Variants in SND1 observed in about 807,000 individuals in gnomAD.
SND1 encodes staphylococcal nuclease domain-containing protein 1.
Under a neutral mutation model 121.7 loss-of-function variants are expected in SND1, and 38 were observed. The observed-to-expected ratio is 0.31, with a 90% CI of 0.24 to 0.41. The LOEUF (loss-of-function observed/expected upper bound fraction) is 0.41. Ranked by LOEUF, SND1 falls within the 10% of genes least tolerant of loss-of-function variation. The pLI, the probability that SND1 is intolerant of heterozygous loss-of-function variation, is 1.00. For synonymous variants in SND1, 401 were observed against 447.4 expected (o/e 0.90, Z 1.31); for missense variants, 868 against 1,184.6 (o/e 0.73, Z 3.92).
At chr7:127,955,505 G>C (rs78157432) in intron 15 of SND1, among the ~76,000 whole-genome samples, 1 of 152,156 alleles carries the variant, frequency 6.6e-6, no homozygotes, top group South Asian at 2.1e-4. Flanking sequence ...GTGGAGTTGT[G>C]GGGGGGTGGT....
chr7:128,011,091 C>T (rs1005346291), intron 16 of SND1, among the ~76,000 whole-genome samples: 31 of 151,682 alleles, frequency 2.0e-4, no homozygotes, highest in Admixed American at 7.9e-4. Context: ...GAAGTTTTGG[C>T]GCACACTGTC....
intron 10 of SND1, among the ~76,000 whole-genome samples, chr7:127,748,783 C>T (rs555960629): frequency 2.6e-5 from 4 of 152,226 alleles, no homozygotes; most frequent in African/African-American, 9.6e-5. Context: ...GAAGAAATGA[C>T]ATTCAAGCAG....
chr7:127,883,917 T>A (rs1799844720), intron 12 of SND1, among the ~76,000 whole-genome samples: 1 of 152,170 alleles, frequency 6.6e-6, no homozygotes, highest in Non-Finnish European at 1.5e-5. Flanking sequence ...TCATTTGATT[T>A]GAGTCGTGTC....
Position 128,085,663 on chromosome 7 carries a change from A to G in SND1, c.2235-48A>G. The G allele has an allele frequency of 2.6e-6, 4 of 1,548,142 alleles. No individual in the cohort carries two copies. The highest frequency in any genetic ancestry group is 3.6e-6 in the Non-Finnish European group (4 of 1,120,902). On this transcript the variant is annotated intron_variant, in intron 19 of 23. Transcript: ENST00000354725. This position sits in a 1 kb window ranked among gnomAD's most constrained non-coding sequence, Gnocchi z 4.4. ...GCCATTGCTGAGGCTCTGGGAGCCCAGAGTCCTCAGGGCTGTCTCTTGAGC... is the reference window on the plus strand; with the variant it reads ...GCCATTGCTGAGGCTCTGGGAGCCCGGAGTCCTCAGGGCTGTCTCTTGAGC...
At chr7:128,028,577 T>C (rs908811046) in intron 16 of SND1, 1 of 1,083,968 alleles carries the variant, frequency 9.2e-7, no homozygotes, top group South Asian at 1.6e-5. Context: ...ATAGACTTAA[T>C]ATATAAGCAT....
intron 15 of SND1, among the ~76,000 whole-genome samples, chr7:127,988,284 T>G (rs1456440075): frequency 6.6e-6 from 1 of 152,170 alleles, no homozygotes; most frequent in Non-Finnish European, 1.5e-5. Flanking sequence ...TGGGAATAGA[T>G]TCTGCCTCTG....
At chr7:127,922,028 T>C (rs1011235721) in intron 14 of SND1, among the ~76,000 whole-genome samples, 1 of 152,064 alleles carries the variant, frequency 6.6e-6, no homozygotes, top group Non-Finnish European at 1.5e-5. Context: ...TACTCTGTCA[T>C]CCAGGCTGGG....
intron 16 of SND1, among the ~76,000 whole-genome samples, chr7:128,037,190 A>G (rs1263422556): frequency 2.6e-5 from 4 of 152,222 alleles, no homozygotes; most frequent in Admixed American, 2.6e-4. Flanking sequence ...AAAATCTGGC[A>G]GGGCTGCACT....
chr7:127,726,050 G>T (rs1458420674), intron 10 of SND1, among the ~76,000 whole-genome samples: 3 of 152,026 alleles, frequency 2.0e-5, no homozygotes, highest in Non-Finnish European at 4.4e-5. Flanking sequence ...AATTATACTG[G>T]AAGATGAGCT....
chr7:127,792,814 TCG>T (rs538161857), intron 10 of SND1, among the ~76,000 whole-genome samples: 51 of 152,254 alleles, frequency 3.3e-4, no homozygotes, highest in African/African-American at 1.2e-3. Context: ...CAAGCTGAAC[TCG>T]CTTGCTGCTG....
intron 3 of SND1, among the ~76,000 whole-genome samples, chr7:127,695,667 T>C (rs1795993280): frequency 6.6e-6 from 1 of 152,020 alleles, no homozygotes; most frequent in Non-Finnish European, 1.5e-5. Context: ...ACCCCGTTTC[T>C]ATGGAAAAAT....
intron 7 of SND1, 140 bp downstream of exon 7, chr7:127,703,463 C>A: frequency 9.7e-7 from 1 of 1,034,314 alleles, no homozygotes. Flanking sequence ...CCTGTAATCC[C>A]ACCACTTTGG....
chr7:128,037,987 G>C (rs1440879084), intron 16 of SND1, among the ~76,000 whole-genome samples: 1 of 152,200 alleles, frequency 6.6e-6, no homozygotes, highest in Admixed American at 6.5e-5. Flanking sequence ...CTAAGTCTTA[G>C]AGATTTTGAG....
chr7:127,752,956 G>A (rs934552554), intron 10 of SND1, among the ~76,000 whole-genome samples: 1 of 152,128 alleles, frequency 6.6e-6, no homozygotes, highest in Non-Finnish European at 1.5e-5. Flanking sequence ...GTCTTCCATC[G>A]TTGTCTAAGG....
intron 17 of SND1, among the ~76,000 whole-genome samples, chr7:128,077,174 C>T (rs1008249220): frequency 2.6e-5 from 4 of 152,220 alleles, no homozygotes; most frequent in Non-Finnish European, 1.5e-5. Context: ...CTTGGCCCCT[C>T]GCCAGCCCCA....
chr7:127,676,491 C>G (rs1324179898), intron 1 of SND1, among the ~76,000 whole-genome samples: 1 of 152,162 alleles, frequency 6.6e-6, no homozygotes, highest in African/African-American at 2.4e-5. Flanking sequence ...CATGGTTGTT[C>G]CGTTAGCCAC....
intron 10 of SND1, among the ~76,000 whole-genome samples, chr7:127,745,181 C>T (rs1256496112): frequency 6.6e-6 from 1 of 152,172 alleles, no homozygotes; most frequent in Non-Finnish European, 1.5e-5. Context: ...AGTGCATACT[C>T]ACACAAACCT....
At chr7:127,865,409 T>C (rs546011451) in intron 12 of SND1, among the ~76,000 whole-genome samples, 3 of 152,294 alleles carry the variant, frequency 2.0e-5, no homozygotes, top group Admixed American at 2.0e-4. Context: ...GTCAAAAACA[T>C]TGTTTGTCTG....
At chr7:127,820,925 T>G (rs1216659787) in intron 11 of SND1, among the ~76,000 whole-genome samples, 1 of 152,174 alleles carries the variant, frequency 6.6e-6, no homozygotes, top group Non-Finnish European at 1.5e-5. Context: ...TTTCTGTTCT[T>G]CTTCCAGCAG....
Sources: allele counts gnomAD v4.1 joint callset (sites outside exome capture counted in the v4.1 genomes callset), GRCh38; gene constraint gnomAD v4.1.1; non-coding constraint Gnocchi (gnomAD v3.1); transcripts MANE v1.5; gene names NCBI Gene and HGNC (gene_info 2026-07-23, HGNC 2026-07-21).